ITPR2: variants seen among roughly 807,000 people sequenced by gnomAD.
The protein encoded by ITPR2 is inositol 1,4,5-trisphosphate receptor type 2, also known as inositol 1,4,5-trisphosphate-gated calcium channel ITPR2.
A neutral mutation model predicts 317.1 loss-of-function variants in ITPR2; 207 were observed. The observed-to-expected ratio is 0.65, with a 90% CI of 0.58 to 0.73. The LOEUF (loss-of-function observed/expected upper bound fraction) is 0.73. Among genes scored for constraint, ITPR2 ranks in the 30% least tolerant of loss-of-function variants. The pLI is 0.00. For missense variants in ITPR2, 2,613 were observed against 3,284.0 expected, an observed-to-expected ratio of 0.80 and a Z score of 4.99; for synonymous variants, 1,156 against 1,149.1, an observed-to-expected ratio of 1.01 and a Z score of -0.12.
At chr12:26,471,992 G>A (rs1942300650) in intron 45 of ITPR2, among the ~76,000 whole-genome samples, 1 of 152,202 alleles carries the variant, frequency 6.6e-6, no homozygotes, top group South Asian at 2.1e-4. Flanking sequence ...GGCCTGCTAA[G>A]AAACCAAATA....
chr12:26,519,801 A>C (rs1490373037), intron 37 of ITPR2, among the ~76,000 whole-genome samples: 1 of 152,252 alleles, frequency 6.6e-6, no homozygotes, highest in Non-Finnish European at 1.5e-5. Flanking sequence ...TATTAAGGTA[A>C]TGAGGTTTAA....
intron 55 of ITPR2, among the ~76,000 whole-genome samples, chr12:26,350,136 G>GC (rs1938434852): frequency 6.6e-6 from 1 of 152,282 alleles, no homozygotes; most frequent in South Asian, 2.1e-4. Flanking sequence ...GAGCCTGAAG[G>GC]CCCCTATCCC....
intron 49 of ITPR2, among the ~76,000 whole-genome samples, chr12:26,426,846 T>A (rs1249576100): frequency 4.6e-5 from 7 of 150,758 alleles, no homozygotes; most frequent in African/African-American, 1.7e-4. Context: ...TACATTTTAT[T>A]TATTAAGTAA....
At chr12:26,745,407 A>G (rs1266708549) in intron 2 of ITPR2, among the ~76,000 whole-genome samples, 1 of 152,266 alleles carries the variant, frequency 6.6e-6, no homozygotes, top group African/African-American at 2.4e-5. Flanking sequence ...TATTTGAGGC[A>G]TAAGTTCTGA....
intron 52 of ITPR2, among the ~76,000 whole-genome samples, chr12:26,406,906 A>C (rs1940372060): frequency 6.6e-6 from 1 of 152,208 alleles, no homozygotes; most frequent in Non-Finnish European, 1.5e-5. Flanking sequence ...GAAACAGTAG[A>C]TTAATACAGG....
intron 37 of ITPR2, among the ~76,000 whole-genome samples, chr12:26,509,061 G>A (rs2136909861): frequency 1.3e-5 from 2 of 152,310 alleles, no homozygotes; most frequent in South Asian, 4.1e-4. Flanking sequence ...GCAATAAAAT[G>A]GGACTGAAGT....
chr12:26,782,845 C>T (rs962141794), intron 2 of ITPR2, among the ~76,000 whole-genome samples: 1 of 152,190 alleles, frequency 6.6e-6, no homozygotes, highest in Non-Finnish European at 1.5e-5. Flanking sequence ...TGAAAGTATT[C>T]TAACACCAAA....
At position 26,502,044 on chromosome 12, in the gene ITPR2, G is replaced by A. The variant is rs188230234; in HGVS notation, c.5074-6784C>T. 2.0e-3 allele frequency among the ~76,000 whole-genome samples: 307 copies of A among 152,254 alleles called. 6 individuals carry two copies. Among genetic ancestry groups the A allele is most frequent in the African/African-American group, 7.2e-3 (300 of 41,546 alleles). On this transcript the variant is annotated intron_variant, in intron 37 of 56. Transcript: ENST00000381340. ...AATATCCTAGCCTCAAGACAAACAG[G>A]GTTGCTGAGAAGGTTTTGTTAGGAG...
intron 21 of ITPR2, among the ~76,000 whole-genome samples, chr12:26,651,446 C>A (rs1162816897): frequency 6.6e-6 from 1 of 152,184 alleles, no homozygotes; most frequent in Non-Finnish European, 1.5e-5. Flanking sequence ...TATTCTATTT[C>A]TTTCCTAAGT....
chr12:26,785,543 C>T (rs1950219092), intron 2 of ITPR2, among the ~76,000 whole-genome samples: 2 of 49,536 alleles, frequency 4.0e-5, no homozygotes, highest in Non-Finnish European at 5.5e-5. Flanking sequence ...CCGCCCCGTC[C>T]AGGAGGGAGG....
chr12:26,596,821 T>C, intron 31 of ITPR2, 62 bp downstream of exon 31: 1 of 1,409,926 alleles, frequency 7.1e-7, no homozygotes, highest in South Asian at 1.5e-5. Context: ...TTCTGGCACC[T>C]AGATAAACTT....
intron 10 of ITPR2, among the ~76,000 whole-genome samples, chr12:26,691,589 C>A (rs913021957): frequency 2.0e-5 from 3 of 152,056 alleles, no homozygotes; most frequent in Non-Finnish European, 4.4e-5. Context: ...GGAGAAAATG[C>A]CCCTACGAAA....
At chr12:26,804,519 TA>T (rs1950609940) in intron 1 of ITPR2, among the ~76,000 whole-genome samples, 1 of 151,860 alleles carries the variant, frequency 6.6e-6, no homozygotes, top group Admixed American at 6.6e-5. Flanking sequence ...AAACCAAGGG[TA>T]AAATCAAAAG....
intron 11 of ITPR2, among the ~76,000 whole-genome samples, chr12:26,684,432 C>A (rs923423417): frequency 2.6e-5 from 4 of 152,170 alleles, no homozygotes; most frequent in African/African-American, 9.7e-5. Flanking sequence ...GCTTGAGAAC[C>A]ACTGTTCCAA....
intron 8 of ITPR2, among the ~76,000 whole-genome samples, chr12:26,714,725 A>G (rs1948707417): frequency 1.3e-5 from 2 of 152,218 alleles, no homozygotes; most frequent in South Asian, 4.1e-4. Flanking sequence ...TCCTCCACAT[A>G]TAAAAAGATC....
chr12:26,347,910 AC>A (rs1486665024), intron 55 of ITPR2, among the ~76,000 whole-genome samples: 1 of 152,202 alleles, frequency 6.6e-6, no homozygotes, highest in Non-Finnish European at 1.5e-5. Flanking sequence ...CATGAAATAT[AC>A]TATGTCTTGT....
At chr12:26,576,412 T>C (rs1220196804) in intron 34 of ITPR2, among the ~76,000 whole-genome samples, 4 of 152,214 alleles carry the variant, frequency 2.6e-5, no homozygotes, top group African/African-American at 9.6e-5. Flanking sequence ...TGTCCTTCTT[T>C]ATTCTTGATA....
At chr12:26,378,400 A>G (rs930152838) in intron 55 of ITPR2, among the ~76,000 whole-genome samples, 5 of 152,134 alleles carry the variant, frequency 3.3e-5, no homozygotes, top group Admixed American at 6.5e-5. Flanking sequence ...AGAAGGGCCA[A>G]TGTGGCTGAC....
chr12:26,561,381 G>A (rs1192285396), intron 35 of ITPR2, among the ~76,000 whole-genome samples: 2 of 152,206 alleles, frequency 1.3e-5, no homozygotes, highest in Non-Finnish European at 2.9e-5. Context: ...TACTATACAA[G>A]TAATTTGGGA....
Sources: allele counts gnomAD v4.1 joint callset (sites outside exome capture counted in the v4.1 genomes callset), GRCh38; gene constraint gnomAD v4.1.1; transcripts MANE v1.5; gene names NCBI Gene and HGNC (gene_info 2026-07-23, HGNC 2026-07-21).